The following TECPR1 variants were observed in gnomAD, a reference collection of about 807,000 sequenced individuals.
The protein encoded by TECPR1 is tectonin beta-propeller repeat containing 1.
A neutral mutation model predicts 162.4 loss-of-function variants in TECPR1; 122 were observed. The ratio of observed to expected loss-of-function variants is 0.75; its 90% confidence interval spans 0.65 to 0.87. The LOEUF (loss-of-function observed/expected upper bound fraction) is 0.87, where lower values mean the gene tolerates loss of function less well. Among genes scored for constraint, TECPR1 ranks in the 40% least tolerant of loss-of-function variants. The pLI is 0.00. For synonymous variants in TECPR1, 642 were observed against 670.6 expected (o/e 0.96, Z 0.66); for missense variants, 1,432 against 1,618.2 (o/e 0.88, Z 1.97).
At chr7:98,243,160 A>ACCACCCAT (rs779969697) in intron 6 of TECPR1, among the ~76,000 whole-genome samples, 3 of 147,040 alleles carry the variant, frequency 2.0e-5, no homozygotes, top group Non-Finnish European at 3.0e-5. Context: ...CTGCCCACAC[A>ACCACCCAT]CCACCCATCC....
intron 19 of TECPR1, among the ~76,000 whole-genome samples, chr7:98,224,453 C>A (rs1046472661): frequency 4.6e-5 from 7 of 152,336 alleles, no homozygotes; most frequent in African/African-American, 1.7e-4. Flanking sequence ...CACTCGCCCT[C>A]CTCAAGCCCC....
Position 98,224,891 on chromosome 7 carries a change from TG to T in TECPR1, c.2611-12del. The T allele has an allele frequency of 6.4e-7, 1 of 1,555,960 alleles. No homozygotes were observed. The highest frequency in any genetic ancestry group is 2.4e-5 in the East Asian group (1 of 41,308). On this transcript the variant is annotated splice_polypyrimidine_tract_variant and intron_variant, in intron 18 of 25. Transcript: ENST00000447648. ...GAACCAGTCGGAAACCTGGGAGGAG[TG>T]GGTCAGTGAGGATGGGACCCCCCGA...
chr7:98,217,380 TGG>T lies in TECPR1; in HGVS notation c.*8_*9del. ...GGCACCGTCCCTGCATGTAGGTGTG[TGG>T]GGGGGCCTCAGCAGCAGACGGGGCC... On this transcript the variant is annotated 3_prime_UTR_variant, in exon 26 of 26. Coordinates refer to ENST00000447648, the MANE Select transcript of TECPR1 (RefSeq NM_015395.3). The T allele has an allele frequency of 1.3e-6, 2 of 1,517,452 alleles. No individual in the cohort carries two copies. The highest frequency in any genetic ancestry group is 1.8e-6 in the Non-Finnish European group (2 of 1,114,224). 94.0% of individuals were successfully genotyped at this position (1,517,452 alleles called of 1,614,324 possible).
At position 98,218,263 on chromosome 7, in the gene TECPR1, C is replaced by T. The variant is rs1269762091; in HGVS notation, c.3158-221G>A. Among the ~76,000 whole-genome samples the T allele has an allele frequency of 2.6e-5, 4 of 152,206 alleles. No individual in the cohort carries two copies. The South Asian group carries it at 6.2e-4, about 24-fold the overall frequency. On this transcript the variant is annotated intron_variant, in intron 23 of 25. Coordinates refer to ENST00000447648, the MANE Select transcript of TECPR1 (RefSeq NM_015395.3). ...CAGCCAGCTCCGCCTTCTGCACACT[C>T]GGGGCGTCCCCCGAGCCTCATAATC...
rs1455056896 is a variant in TECPR1 at position 98,240,456 on chromosome 7, G to A, written c.933+395C>T. ...TCTTTTTTGAGACGGAGTCTTTCTCGTTGCCCAGGCTGGAGTGCTATAGTG... is the reference window on the plus strand; with the variant it reads ...TCTTTTTTGAGACGGAGTCTTTCTCATTGCCCAGGCTGGAGTGCTATAGTG... On this transcript the variant is annotated intron_variant, in intron 8 of 25. Transcript: ENST00000447648. 5.3e-5 allele frequency among the ~76,000 whole-genome samples: 8 copies of A among 151,992 alleles called. 1 individual carries two copies. Among genetic ancestry groups the A allele is most frequent in the South Asian group, 2.1e-4 (1 of 4,824 alleles).
chr7:98,218,317 C>G (rs1798067208), intron 23 of TECPR1, among the ~76,000 whole-genome samples: 1 of 152,198 alleles, frequency 6.6e-6, no homozygotes, highest in Non-Finnish European at 1.5e-5. Context: ...CGGCCGGCCT[C>G]CTGATCCTCT....
intron 15 of TECPR1, among the ~76,000 whole-genome samples, 153 bp from the exon 16 acceptor site, chr7:98,229,319 G>A (rs79386548): frequency 0.012 from 1,899 of 152,230 alleles, 39 homozygotes; most frequent in African/African-American, 0.043. Flanking sequence ...TGACCTCCGC[G>A]TTCATATTAA....
chr7:98,216,979 C>T lies in TECPR1; in HGVS notation c.*411G>A, dbSNP rs374663014. Reference sequence around the variant, plus strand: ...GGCCATCTCTCTTGGTGAGGGGTGGCGGGCCCGGGTGCTGTCTGAGATGCC... The same window carrying T: ...GGCCATCTCTCTTGGTGAGGGGTGGTGGGCCCGGGTGCTGTCTGAGATGCC... On this transcript the variant is annotated 3_prime_UTR_variant, in exon 26 of 26. Transcript: ENST00000447648. 1.5e-4 allele frequency: 27 copies of T among 180,500 alleles called. No homozygotes were observed. In the East Asian group the frequency reaches 2.6e-3, roughly 18 times the overall value. The allele number at this position is 180,500 out of a possible 1,614,324, so 11.2% of individuals were successfully genotyped here.
At chr7:98,234,002 G>C in intron 10 of TECPR1, 91 bp from the exon 11 acceptor site, 2 of 1,437,558 alleles carry the variant, frequency 1.4e-6, no homozygotes, top group Non-Finnish European at 1.8e-6. Flanking sequence ...CACCATGACT[G>C]CCTGTGGAAA....
chr7:98,242,144 CCAA>C (rs1758839018), intron 6 of TECPR1, among the ~76,000 whole-genome samples: 1 of 152,242 alleles, frequency 6.6e-6, no homozygotes, highest in African/African-American at 2.4e-5. Flanking sequence ...TGTTCCCAGG[CCAA>C]CGTGGCCGCA....
Position 98,241,537 on chromosome 7 carries a change from C to T in TECPR1, c.658-293G>A, listed in dbSNP as rs981897669. ...GGGTCTCCGGCCACTCTGGCCAGCCCGTGTGTCCCATGCCCCCTTGTGGCG... is the reference window on the plus strand; with the variant it reads ...GGGTCTCCGGCCACTCTGGCCAGCCTGTGTGTCCCATGCCCCCTTGTGGCG... On this transcript the variant is annotated intron_variant, in intron 6 of 25. Transcript: ENST00000447648. The surrounding 1 kb of genome is among the most constrained non-coding windows in gnomAD (Gnocchi z 5.0). 6.6e-6 allele frequency among the ~76,000 whole-genome samples: 1 copy of T among 152,196 alleles called. No individual in the cohort carries two copies. The highest frequency in any genetic ancestry group is 2.1e-4 in the South Asian group (1 of 4,834).
At chr7:98,230,688 C>T (rs1235723514) in intron 15 of TECPR1, among the ~76,000 whole-genome samples, 1 of 152,124 alleles carries the variant, frequency 6.6e-6, no homozygotes, top group East Asian at 1.9e-4. Flanking sequence ...AGAATTGTGC[C>T]CCTCACCCAC....
intron 21 of TECPR1, 55 bp downstream of exon 21, chr7:98,222,935 G>A: frequency 6.3e-7 from 1 of 1,591,022 alleles, no homozygotes; most frequent in South Asian, 1.1e-5. Context: ...AGCCCTGCCG[G>A]ACTCCAGAGC....
In TECPR1 at chr7:98,223,032, C is replaced by T. The variant is rs1562933696; in HGVS notation, c.2886G>A (p.Gly962=). 4 of 1,611,470 alleles carry T rather than the reference C, an allele frequency of 2.5e-6. No individual in the cohort carries two copies. The highest frequency in any genetic ancestry group is 3.4e-6 in the Non-Finnish European group (4 of 1,179,384). The change falls in exon 21 of 26, where the codon GGG becomes GGA. Residue 962 remains glycine, a synonymous_variant. Coordinates refer to ENST00000447648, the MANE Select transcript of TECPR1 (RefSeq NM_015395.3). ...SIALWAVSDK[G]DVLCRLGVSE... is the part of the protein sequence containing the mutation. ...ACACGCCCAGGCGGCACAGCACATC[C>T]CCCTTGTCGCTGACGGCCCAGAGGG...
rs1798820415 is a variant in TECPR1, at chr7:98,243,403, C to T, written c.657+64G>A. 5.0e-6 allele frequency: 8 copies of T among 1,594,402 alleles called. 1 individual carries two copies. The South Asian group carries it at 7.8e-5, about 16-fold the overall frequency. ...GGAGGAGCAAGACCCAGGGGGTGCA[C>T]AGGACAGGACCCACAGGAGGTGGGA... On this transcript the variant is annotated intron_variant, in intron 6 of 25. Transcript: ENST00000447648.
At chr7:98,224,733 AGGCCACACACTCCAG>A in intron 19 of TECPR1, 53 bp downstream of exon 19, 1 of 1,424,298 alleles carries the variant, frequency 7.0e-7, no homozygotes, top group Non-Finnish European at 9.6e-7. Flanking sequence ...GTGAGGCCAG[AGGCCACACACTCCAG>A]GGCCCTGACA....
chr7:98,223,128 G>A lies in TECPR1; in HGVS notation c.2790C>T (p.Pro930=), dbSNP rs1798185735. The A allele has an allele frequency of 1.2e-6, 2 of 1,604,872 alleles. No homozygotes were observed. The highest frequency in any genetic ancestry group is 1.7e-6 in the Non-Finnish European group (2 of 1,176,400). Residue 930 remains proline, a synonymous_variant, in exon 21 of 26, where the codon CCC becomes CCT. Transcript: ENST00000447648. ...TGGACACGTCCCTGAGGGCGATGGG[G>A]GGCACCTCCAGCCAGGGCCCACTGG... ...LVTSGPWLEV[P]PIALRDVSII...
intron 16 of TECPR1, chr7:98,228,413 A>AATGATACG: frequency 1.1e-5 from 4 of 375,558 alleles, no homozygotes; most frequent in Admixed American, 3.6e-5. Context: ...CCTCCTACTT[A>AATGATACG]GCACCAGGGA....
intron 10 of TECPR1, among the ~76,000 whole-genome samples, chr7:98,235,827 C>CAAAAAAAAA (rs765569294): frequency 4.9e-4 from 18 of 36,632 alleles, no homozygotes; most frequent in African/African-American, 1.2e-3. Context: ...GAGACTGTCT[C>CAAAAAAAAA]AAAAAAAAAA....
Sources: gnomAD v4.1 joint callset for allele counts (sites outside exome capture counted in the v4.1 genomes callset) on GRCh38, gnomAD v4.1.1 for gene constraint, Gnocchi (gnomAD v3.1) non-coding constraint, MANE v1.5 for transcripts, NCBI Gene and HGNC (gene_info 2026-07-23, HGNC 2026-07-21) for gene names.